SFRP1: variants seen among roughly 807,000 people sequenced by gnomAD.
SFRP1 encodes secreted frizzled-related protein 1.
Under a neutral mutation model 25.9 loss-of-function variants are expected in SFRP1, and 9 were observed. The observed-to-expected ratio is 0.35, with a 90% confidence interval of 0.21 to 0.61. The LOEUF (loss-of-function observed/expected upper bound fraction) is 0.61. Ranked by LOEUF, SFRP1 falls within the 20% of genes least tolerant of loss-of-function variation. SFRP1 has a pLI of 0.78. For synonymous variants in SFRP1, 178 were observed against 174.0 expected (o/e 1.02, Z -0.18); for missense variants, 346 against 418.2 (o/e 0.83, Z 1.51).
At chr8:41,301,438 C>G (rs1803914999) in intron 2 of SFRP1, among the ~76,000 whole-genome samples, 1 of 139,940 alleles carries the variant, frequency 7.1e-6, no homozygotes, top group South Asian at 2.2e-4. Context: ...TCAGCCCCTA[C>G]AGAGAGAGAG....
intron 2 of SFRP1, among the ~76,000 whole-genome samples, chr8:41,294,598 T>G (rs1803817500): frequency 6.6e-6 from 1 of 152,190 alleles, no homozygotes; most frequent in Non-Finnish European, 1.5e-5. Context: ...ATGATGTCCC[T>G]TAATTCCTGC....
chr8:41,269,508 T>A (rs180983014), intron 2 of SFRP1, among the ~76,000 whole-genome samples: 3 of 152,324 alleles, frequency 2.0e-5, no homozygotes, highest in South Asian at 2.1e-4. Flanking sequence ...GCTCACAAAT[T>A]ATACTTCCTT....
At chr8:41,281,428 T>C (rs145230225) in intron 2 of SFRP1, among the ~76,000 whole-genome samples, 53 of 152,242 alleles carry the variant, frequency 3.5e-4, no homozygotes, top group African/African-American at 1.2e-3. Flanking sequence ...GAAAGACAAA[T>C]GTCAGCTTGC....
In SFRP1 at chr8:41,263,370, A is replaced by G. The variant is rs1249797769; in HGVS notation, c.*1797T>C. The G allele has an allele frequency of 3.3e-5, 5 of 152,374 alleles. No individual in the cohort carries two copies. Among genetic ancestry groups the G allele is most frequent in the Non-Finnish European group, 5.9e-5 (4 of 68,042 alleles). The allele number at this position is 152,374 out of a possible 1,614,324, so 9.4% of individuals were successfully genotyped here. A position where few individuals can be genotyped will look rare whatever the true frequency, so the allele number is the denominator to read the frequency against. On this transcript the variant is annotated 3_prime_UTR_variant, in exon 3 of 3. Coordinates refer to ENST00000220772, the MANE Select transcript of SFRP1 (RefSeq NM_003012.5). ...AGAGAACCCCACAAAAAAGGTGTTA[A>G]AAGGACAGGATCACTAACTGTGAGA...
intron 2 of SFRP1, among the ~76,000 whole-genome samples, chr8:41,283,100 T>C (rs112480031): frequency 6.4e-4 from 98 of 152,332 alleles, no homozygotes; most frequent in African/African-American, 2.3e-3. Context: ...AACATGAGTC[T>C]CCATCCTGTT....
chr8:41,274,866 G>C (rs893738368), intron 2 of SFRP1, among the ~76,000 whole-genome samples: 2 of 152,130 alleles, frequency 1.3e-5, no homozygotes, highest in Non-Finnish European at 2.9e-5. Flanking sequence ...CAAAATGTCA[G>C]ATCATGAAGG....
intron 2 of SFRP1, among the ~76,000 whole-genome samples, chr8:41,287,219 C>T (rs1159609604): frequency 6.6e-6 from 1 of 152,208 alleles, no homozygotes; most frequent in Non-Finnish European, 1.5e-5. Context: ...CATCCTGAAA[C>T]ACACAGGCTT....
intron 2 of SFRP1, chr8:41,275,254 G>C (rs776707712): frequency 4.6e-6 from 2 of 433,028 alleles, no homozygotes; most frequent in Non-Finnish European, 9.1e-6. Context: ...GTAGGAGAGC[G>C]AGAGGGGATG....
At chr8:41,288,153 T>C (rs1002349224) in intron 2 of SFRP1, among the ~76,000 whole-genome samples, 3 of 150,842 alleles carry the variant, frequency 2.0e-5, no homozygotes, top group Admixed American at 6.6e-5. Flanking sequence ...AGGTCAGGAG[T>C]TCAAGATCAG....
rs1373609917 is a variant in SFRP1, at chr8:41,308,974, G to C, written c.186C>G (p.Pro62=). Residue 62 remains proline, a synonymous_variant, in exon 1 of 3, where the codon CCC becomes CCG. Coordinates refer to ENST00000220772, the MANE Select transcript of SFRP1 (RefSeq NM_003012.5). ...CGTTGTGGCACAGCCGCAGGTCCGC[G>C]GGGATGTCCACGCACTGAGGTGGCT... The part of the protein sequence containing the change: ...YTKPPQCVDI[P]ADLRLCHNVG... 5 of 1,613,368 alleles carry C rather than the reference G, an allele frequency of 3.1e-6. No individual in the cohort carries two copies. The East Asian group carries it at 8.9e-5, about 29-fold the overall frequency.
At chr8:41,277,853 C>T (rs1803589568) in intron 2 of SFRP1, among the ~76,000 whole-genome samples, 1 of 152,180 alleles carries the variant, frequency 6.6e-6, no homozygotes, top group Non-Finnish European at 1.5e-5. Flanking sequence ...TCAAGAGATC[C>T]TCCCACCCTG....
At position 41,264,996 on chromosome 8, in the gene SFRP1, C is replaced by T. The variant is rs537869206; in HGVS notation, c.*171G>A. 4.7e-5 allele frequency: 28 copies of T among 596,966 alleles called. No homozygotes were observed. In the African/African-American group the frequency reaches 5.0e-4, roughly 11 times the overall value. The allele number at this position is 596,966 out of a possible 1,614,324, so 37.0% of individuals were successfully genotyped here. On this transcript the variant is annotated 3_prime_UTR_variant, in exon 3 of 3. Transcript: ENST00000220772. Reference sequence around the variant, plus strand: ...GCCATGGCTACCCTGGGGTTTGGAGCGTGGCTATGGAGGGAAGGGAGCGGG... The same window carrying T: ...GCCATGGCTACCCTGGGGTTTGGAGTGTGGCTATGGAGGGAAGGGAGCGGG...
chr8:41,271,590 T>C (rs1371482014), intron 2 of SFRP1: 1 of 155,544 alleles, frequency 6.4e-6, no homozygotes, highest in Non-Finnish European at 1.4e-5. Context: ...CCTGAATGGA[T>C]TATCCAAGGC....
At chr8:41,290,235 C>A (rs890872157) in intron 2 of SFRP1, among the ~76,000 whole-genome samples, 1 of 152,246 alleles carries the variant, frequency 6.6e-6, no homozygotes, top group African/African-American at 2.4e-5. Flanking sequence ...CAGATATAAC[C>A]CCACGTGCAC....
chr8:41,293,910 C>T (rs1484852598), intron 2 of SFRP1, among the ~76,000 whole-genome samples: 1 of 151,848 alleles, frequency 6.6e-6, no homozygotes, highest in Non-Finnish European at 1.5e-5. Flanking sequence ...CCACAATGTG[C>T]CACCATATCT....
rs1209491334 is a variant in SFRP1 at position 41,308,739 on chromosome 8, C to T, written c.421G>A (p.Glu141Lys). ...WLCEAVRDSC[E>K]PVMQFFGFYW... ...AAGCCGAAGAACTGCATGACCGGCT[C>T]GCACGAGTCGCGCACGGCCTCGCAG... Residue 141 changes from glutamate (E) to lysine (K), a missense_variant, in exon 1 of 3, where the codon GAG (glutamate) becomes AAG (lysine). Coordinates refer to ENST00000220772, the MANE Select transcript of SFRP1 (RefSeq NM_003012.5). The T allele has an allele frequency of 6.2e-7, 1 of 1,607,682 alleles. No individual in the cohort carries two copies. The highest frequency in any genetic ancestry group is 1.3e-5 in the African/African-American group (1 of 74,764).
In SFRP1 at chr8:41,265,305, G is replaced by A. The variant is rs559701043; in HGVS notation, c.807C>T (p.Leu269=). The change falls in exon 3 of 3, where the codon CTC becomes CTT. Residue 269 remains leucine, a synonymous_variant. Transcript: ENST00000220772. ...GGCTCTTCACCTTGCGGCCCATGAT[G>A]AGGAAGTGGTGGCTGAGGTTGTCCA... is the stretch of plus-strand genomic sequence containing the variant. ...HQLDNLSHHF[L]IMGRKVKSQY... 15 of 1,614,062 alleles carry A rather than the reference G, an allele frequency of 9.3e-6. No homozygotes were observed. The South Asian group carries it at 9.9e-5, about 11-fold the overall frequency.
chr8:41,270,041 A>G (rs575042119), intron 2 of SFRP1, among the ~76,000 whole-genome samples: 1 of 152,310 alleles, frequency 6.6e-6, no homozygotes, highest in Admixed American at 6.5e-5. Flanking sequence ...AGAGCTTAAG[A>G]ATGAGTCTGA....
intron 2 of SFRP1, among the ~76,000 whole-genome samples, chr8:41,265,892 T>C (rs1226676612): frequency 6.6e-6 from 1 of 152,102 alleles, no homozygotes; most frequent in Non-Finnish European, 1.5e-5. Flanking sequence ...GTTTTATCCA[T>C]AAAAACCAAG....
Sources: gnomAD v4.1 joint callset for allele counts (sites outside exome capture counted in the v4.1 genomes callset) on GRCh38, gnomAD v4.1.1 for gene constraint, MANE v1.5 for transcripts, NCBI Gene and HGNC (gene_info 2026-07-23, HGNC 2026-07-21) for gene names.